The following KHDRBS2 variants were observed in gnomAD, a reference collection of about 807,000 sequenced individuals.
KHDRBS2 encodes the protein KH RNA binding domain containing, signal transduction associated 2.
Under a neutral mutation model 44.3 loss-of-function variants are expected in KHDRBS2, and 26 were observed. The observed-to-expected ratio is 0.59, with a 90% CI of 0.43 to 0.81. The LOEUF is 0.81. KHDRBS2 is among the 40% of genes least tolerant of loss of function. The pLI is 0.00. For synonymous variants in KHDRBS2, 194 were observed against 151.1 expected, an observed-to-expected ratio of 1.28 and a Z score of -2.08; for missense variants, 476 against 433.1, an observed-to-expected ratio of 1.10 and a Z score of -0.88.
intron 6 of KHDRBS2, among the ~76,000 whole-genome samples, chr6:61,886,734 A>C (rs895814149): frequency 2.0e-5 from 3 of 152,200 alleles, no homozygotes; most frequent in African/African-American, 7.2e-5. Flanking sequence ...AATGACTTCT[A>C]ATAGAGGGTA....
intron 2 of KHDRBS2, among the ~76,000 whole-genome samples, chr6:62,172,559 A>G (rs976894630): frequency 2.0e-5 from 3 of 151,984 alleles, no homozygotes; most frequent in Non-Finnish European, 4.4e-5. Flanking sequence ...TCAGAACCTG[A>G]ACTCAACACT....
intron 8 of KHDRBS2, among the ~76,000 whole-genome samples, chr6:61,688,873 AGT>A (rs906430594): frequency 1.4e-4 from 22 of 151,750 alleles, no homozygotes; most frequent in African/African-American, 5.3e-4. Flanking sequence ...AAGTGATTGG[AGT>A]GTCTTTGTTA....
the KHDRBS2 span, among the ~76,000 whole-genome samples, chr6:61,663,784 T>C: frequency 6.6e-6 from 1 of 151,432 alleles, no homozygotes; most frequent in Admixed American, 6.6e-5. Context: ...CCTGAATTAT[T>C]TGATGAATAA....
At chr6:62,127,661 C>T (rs1243387360) in intron 2 of KHDRBS2, among the ~76,000 whole-genome samples, 2 of 151,982 alleles carry the variant, frequency 1.3e-5, no homozygotes, top group Admixed American at 6.6e-5. Context: ...GTAATTTCTA[C>T]TAATTTGTCT....
intron 6 of KHDRBS2, among the ~76,000 whole-genome samples, chr6:61,842,149 C>T (rs1793696561): frequency 6.6e-6 from 1 of 152,160 alleles, no homozygotes. Flanking sequence ...GCAATGTTTA[C>T]CTAGCTACCC....
chr6:62,176,590 T>A (rs1233564734), intron 2 of KHDRBS2, among the ~76,000 whole-genome samples: 1 of 151,272 alleles, frequency 6.6e-6, no homozygotes, highest in Admixed American at 6.6e-5. Context: ...AATGTATGAA[T>A]ATAATTGATA....
At chr6:61,963,595 C>A (rs1242113402) in intron 4 of KHDRBS2, among the ~76,000 whole-genome samples, 1 of 151,934 alleles carries the variant, frequency 6.6e-6, no homozygotes, top group Non-Finnish European at 1.5e-5. Flanking sequence ...AGTACAGGGG[C>A]CCTCTCACTC....
chr6:61,866,035 T>C (rs1797742280), intron 6 of KHDRBS2, among the ~76,000 whole-genome samples: 1 of 152,192 alleles, frequency 6.6e-6, no homozygotes, highest in Non-Finnish European at 1.5e-5. Context: ...TACAAGCTAT[T>C]GGTGGATCTA....
At chr6:61,828,881 A>G (rs1344773757) in intron 6 of KHDRBS2, among the ~76,000 whole-genome samples, 2 of 152,166 alleles carry the variant, frequency 1.3e-5, no homozygotes, top group African/African-American at 4.8e-5. Context: ...GCTTCACATT[A>G]GTTTGTCAAA....
intron 2 of KHDRBS2, among the ~76,000 whole-genome samples, chr6:62,115,079 G>C (rs1414150566): frequency 6.6e-6 from 1 of 152,078 alleles, no homozygotes; most frequent in African/African-American, 2.4e-5. Flanking sequence ...CTAAGTTGGA[G>C]TATTAAAATG....
chr6:62,230,063 C>CGGTG lies in KHDRBS2; in HGVS notation c.92-52755_92-52752dup, dbSNP rs567884476. Among the ~76,000 whole-genome samples the CGGTG allele has an allele frequency of 2.8e-4, 43 of 152,264 alleles. No homozygotes were observed. The East Asian group carries it at 7.7e-3, about 27-fold the overall frequency. ...GATCACGATTCTAAAATTGCTGTAG[C>CGGTG]GGTGGTGGGCAAGCACCTTCCTTGC... On this transcript the variant is annotated intron_variant, in intron 1 of 8. Coordinates refer to ENST00000281156, the MANE Select transcript of KHDRBS2 (RefSeq NM_152688.4).
At chr6:61,601,931 T>C in the KHDRBS2 span, among the ~76,000 whole-genome samples, 1 of 152,130 alleles carries the variant, frequency 6.6e-6, no homozygotes. Flanking sequence ...ATAGTCAAGG[T>C]TAATGCTCCT....
chr6:62,167,584 TATC>T (rs990449154), intron 2 of KHDRBS2, among the ~76,000 whole-genome samples: 1 of 152,124 alleles, frequency 6.6e-6, no homozygotes, highest in African/African-American at 2.4e-5. Context: ...ATCAGTGTCA[TATC>T]ATTTTCTCAA....
At chr6:61,952,849 T>C (rs184215791) in intron 4 of KHDRBS2, among the ~76,000 whole-genome samples, 27 of 152,228 alleles carry the variant, frequency 1.8e-4, no homozygotes, top group Admixed American at 2.0e-4. Context: ...CTAATCATTT[T>C]ACCACACTTC....
chr6:61,668,948 A>G, the KHDRBS2 span, among the ~76,000 whole-genome samples: 1 of 151,090 alleles, frequency 6.6e-6, no homozygotes, highest in Non-Finnish European at 1.5e-5. Flanking sequence ...ATAAGTAACC[A>G]TGACTATTTT....
At chr6:61,586,528 C>T in the KHDRBS2 span, among the ~76,000 whole-genome samples, 1 of 152,102 alleles carries the variant, frequency 6.6e-6, no homozygotes, top group Non-Finnish European at 1.5e-5. Context: ...TCAGGCCAAT[C>T]AAAGAATCCA....
rs555116052 is a variant in KHDRBS2 at position 61,775,623 on chromosome 6, T to C, written c.811-42859A>G. Reference sequence around the variant, plus strand: ...CCTCTTCAAGGAAAACTACAAACCATTGCTCAATGAAATAAAAGAGGATAC... The same window carrying C: ...CCTCTTCAAGGAAAACTACAAACCACTGCTCAATGAAATAAAAGAGGATAC... On this transcript the variant is annotated intron_variant, in intron 6 of 8. Transcript: ENST00000281156. 4.6e-5 allele frequency among the ~76,000 whole-genome samples: 7 copies of C among 151,664 alleles called. No individual in the cohort carries two copies. The East Asian group carries it at 5.8e-4, about 13-fold the overall frequency.
intron 2 of KHDRBS2, among the ~76,000 whole-genome samples, chr6:62,054,855 A>C (rs1789904244): frequency 6.6e-6 from 1 of 152,062 alleles, no homozygotes. Context: ...TAAGCCATGA[A>C]GTTTAAGTTT....
chr6:61,777,700 C>A (rs1457281065), intron 6 of KHDRBS2, among the ~76,000 whole-genome samples: 1 of 152,010 alleles, frequency 6.6e-6, no homozygotes, highest in African/African-American at 2.4e-5. Context: ...AAAGGAAATA[C>A]CTTCCTTAGT....
Sources: allele counts gnomAD v4.1 joint callset (sites outside exome capture counted in the v4.1 genomes callset), GRCh38; gene constraint gnomAD v4.1.1; transcripts MANE v1.5; gene names NCBI Gene and HGNC (gene_info 2026-07-23, HGNC 2026-07-21).